Variants in NWD1 observed in about 807,000 individuals in gnomAD.
NWD1 encodes NACHT domain- and WD repeat-containing protein 1.
Under a neutral mutation model 135.1 loss-of-function variants are expected in NWD1, and 129 were observed. The ratio of observed to expected loss-of-function variants is 0.96; its 90% confidence interval spans 0.83 to 1.11. NWD1 has a LOEUF of 1.11. Among genes scored for constraint, NWD1 ranks in the 50% least tolerant of loss-of-function variants. NWD1 has a pLI of 0.00. For synonymous variants in NWD1, 773 were observed against 786.0 expected (o/e 0.98, Z 0.28); for missense variants, 1,740 against 1,851.3 (o/e 0.94, Z 1.10).
chr19:16,813,713 G>C (rs1162198710), intron 18 of NWD1, among the ~76,000 whole-genome samples: 1 of 152,020 alleles, frequency 6.6e-6, no homozygotes, highest in Non-Finnish European at 1.5e-5. Context: ...CTGACCTTGG[G>C]TGATCCACCC....
At chr19:16,728,225 T>A (rs983142322) in intron 2 of NWD1, among the ~76,000 whole-genome samples, 12 of 150,610 alleles carry the variant, frequency 8.0e-5, no homozygotes, top group Non-Finnish European at 1.6e-4. Flanking sequence ...AAATCGGATT[T>A]AAAAAAATTT....
intron 10 of NWD1, 57 bp from the exon 11 acceptor site, chr19:16,773,069 C>T: frequency 3.4e-6 from 5 of 1,457,376 alleles, no homozygotes; most frequent in Non-Finnish European, 4.8e-6. Context: ...ACTCAATTGG[C>T]AGGGAGGGTA....
At chr19:16,733,182 C>T (rs1967649978) in intron 3 of NWD1, among the ~76,000 whole-genome samples, 1 of 151,654 alleles carries the variant, frequency 6.6e-6, no homozygotes, top group African/African-American at 2.4e-5. Flanking sequence ...GATGGAGCCA[C>T]TGCACTCTAG....
chr19:16,807,475 A>G, intron 17 of NWD1, 111 bp from the exon 18 acceptor site: 1 of 825,214 alleles, frequency 1.2e-6, no homozygotes, highest in African/African-American at 1.7e-5. Flanking sequence ...CCTGGGCAAC[A>G]GAGTGAGACT....
chr19:16,779,060 T>C (rs1969763234), intron 11 of NWD1, among the ~76,000 whole-genome samples: 1 of 152,158 alleles, frequency 6.6e-6, no homozygotes, highest in African/African-American at 2.4e-5. Flanking sequence ...CCGATATGTG[T>C]CCGCTGGGTG....
intron 10 of NWD1, among the ~76,000 whole-genome samples, chr19:16,768,758 G>A (rs1289413656): frequency 6.6e-6 from 1 of 152,150 alleles, no homozygotes; most frequent in African/African-American, 2.4e-5. Context: ...ACAAAGGAAG[G>A]GGGAGTATTC....
chr19:16,730,019 A>T lies in NWD1; in HGVS notation c.-6-1173A>T, dbSNP rs375959020. Among the ~76,000 whole-genome samples the T allele has an allele frequency of 9.9e-5, 15 of 152,244 alleles. No individual in the cohort carries two copies. In the East Asian group the frequency reaches 2.5e-3, roughly 25 times the overall value. ...TCAATAGCACTCTTCACAAACTGCA[A>T]GTACTTTTTAAAACTATTTATGGGC... On this transcript the variant is annotated intron_variant, in intron 2 of 18. Transcript: ENST00000524140.
chr19:16,731,021 A>G, intron 2 of NWD1, 171 bp from the exon 3 acceptor site: 1 of 456,908 alleles, frequency 2.2e-6, no homozygotes, highest in Non-Finnish European at 3.9e-6. Context: ...AGGAGAGAGA[A>G]TCTCTTGAGG....
chr19:16,763,695 G>C, intron 8 of NWD1, 133 bp from the exon 9 acceptor site: 1 of 663,604 alleles, frequency 1.5e-6, no homozygotes, highest in Non-Finnish European at 2.8e-6. Flanking sequence ...GGGCACATGG[G>C]GGTATGTCTG....
intron 10 of NWD1, among the ~76,000 whole-genome samples, chr19:16,768,951 CT>C (rs1969320723): frequency 6.6e-6 from 1 of 152,206 alleles, no homozygotes; most frequent in East Asian, 1.9e-4. Flanking sequence ...GCTGCTGTCT[CT>C]CCTCCAGACA....
At chr19:16,811,609 G>GAAAGAAAAAAGAAAAGA (rs1228028766) in intron 18 of NWD1, among the ~76,000 whole-genome samples, 2 of 150,270 alleles carry the variant, frequency 1.3e-5, no homozygotes, top group Admixed American at 1.3e-4. Context: ...AAGAAAGAAA[G>GAAAGAAAAAAGAAAAGA]AAAGAAAAAA....
At chr19:16,791,010 T>C (rs1036987645) in intron 13 of NWD1, among the ~76,000 whole-genome samples, 10 of 152,154 alleles carry the variant, frequency 6.6e-5, no homozygotes, top group South Asian at 4.2e-4. Context: ...GCAGGGAGGA[T>C]AGTTTGAGCC....
intron 6 of NWD1, among the ~76,000 whole-genome samples, chr19:16,757,887 A>G (rs1270667120): frequency 6.6e-6 from 1 of 152,104 alleles, no homozygotes; most frequent in Non-Finnish European, 1.5e-5. Flanking sequence ...CCCCATCTCT[A>G]CTAAAAATAC....
At chr19:16,805,822 C>G (rs1393716589) in intron 17 of NWD1, among the ~76,000 whole-genome samples, 1 of 152,084 alleles carries the variant, frequency 6.6e-6, no homozygotes, top group Non-Finnish European at 1.5e-5. Context: ...ATTCCTTTCT[C>G]CTATTATTTC....
rs79307399 is a variant in NWD1, at chr19:16,815,163, C to T, written c.*124C>T. On this transcript the variant is annotated 3_prime_UTR_variant, in exon 19 of 19. Transcript: ENST00000524140. ...CAGTGCCTTTCAGCAAAAGCCTCAC[C>T]GCAGGACCCTCTTAAGAACTTCAAG... 3,487 of 989,016 alleles carry T rather than the reference C, an allele frequency of 3.5e-3. 14 individuals carry two copies. The highest frequency in any genetic ancestry group is 3.7e-3 in the Non-Finnish European group (2,251 of 608,686). 61.3% of individuals were successfully genotyped at this position (989,016 alleles called of 1,614,324 possible). A position where few individuals can be genotyped will look rare whatever the true frequency, so the allele number is the denominator to read the frequency against.
intron 15 of NWD1, among the ~76,000 whole-genome samples, chr19:16,795,293 T>A (rs975546139): frequency 7.2e-5 from 11 of 152,118 alleles, no homozygotes; most frequent in African/African-American, 2.7e-4. Flanking sequence ...CTTCAAGCAC[T>A]GACACAGGGC....
intron 7 of NWD1, among the ~76,000 whole-genome samples, 162 bp from the exon 8 acceptor site, chr19:16,761,817 C>T (rs549106650): frequency 1.3e-5 from 2 of 152,056 alleles, no homozygotes; most frequent in Middle Eastern, 3.4e-3. Flanking sequence ...AAAAAAAACA[C>T]GGACCAATTT....
At chr19:16,797,700 G>T in intron 15 of NWD1, 32 bp from the exon 16 acceptor site, 1 of 1,602,850 alleles carries the variant, frequency 6.2e-7, no homozygotes, top group Non-Finnish European at 8.5e-7. Flanking sequence ...CTCTGGACAT[G>T]AGAGGTGTAA....
intron 5 of NWD1, among the ~76,000 whole-genome samples, 175 bp from the exon 6 acceptor site, chr19:16,748,964 G>C (rs966181632): frequency 6.6e-6 from 1 of 152,246 alleles, no homozygotes; most frequent in African/African-American, 2.4e-5. Context: ...ATCACTTCTG[G>C]AGGTGGGGTC....
Sources: gnomAD v4.1 joint callset for allele counts (sites outside exome capture counted in the v4.1 genomes callset) on GRCh38, gnomAD v4.1.1 for gene constraint, MANE v1.5 for transcripts, NCBI Gene and HGNC (gene_info 2026-07-23, HGNC 2026-07-21) for gene names.